LRRC3B: variants seen among roughly 807,000 people sequenced by gnomAD.
LRRC3B encodes the protein leucine-rich repeat-containing protein 3B.
A neutral mutation model predicts 12.8 loss-of-function variants in LRRC3B; 2 were observed. That is an observed-to-expected ratio of 0.16 (90% CI 0.06 to 0.49). The LOEUF is 0.49. LRRC3B is among the 20% of genes least tolerant of loss of function. The probability of loss-of-function intolerance (pLI) is 0.96; values close to 1 mark genes in which losing one functional copy is unlikely to be tolerated. For synonymous variants in LRRC3B, 132 were observed against 122.0 expected, an observed-to-expected ratio of 1.08 and a Z score of -0.54; for missense variants, 189 against 319.4, an observed-to-expected ratio of 0.59 and a Z score of 3.11.
intron 1 of LRRC3B, among the ~76,000 whole-genome samples, chr3:26,686,698 C>T (rs1013031712): frequency 4.6e-5 from 7 of 152,164 alleles, no homozygotes; most frequent in African/African-American, 1.7e-4. Context: ...GGGAAGAAGA[C>T]TCTGAGATGG....
intron 1 of LRRC3B, among the ~76,000 whole-genome samples, chr3:26,692,378 G>A (rs544472945): frequency 1.3e-5 from 2 of 152,298 alleles, no homozygotes; most frequent in Non-Finnish European, 2.9e-5. Context: ...CCAGGGATAT[G>A]TGAGCAAACA....
At chr3:26,693,147 G>A (rs1327683859) in intron 1 of LRRC3B, among the ~76,000 whole-genome samples, 2 of 151,466 alleles carry the variant, frequency 1.3e-5, no homozygotes, top group African/African-American at 4.9e-5. Flanking sequence ...TGGCTAACAC[G>A]GTGAAACCCC....
At chr3:26,672,754 T>C (rs1181902184) in intron 1 of LRRC3B, among the ~76,000 whole-genome samples, 1 of 152,222 alleles carries the variant, frequency 6.6e-6, no homozygotes, top group Non-Finnish European at 1.5e-5. Context: ...ATCTTTTCCT[T>C]TTTTGCCCCA....
intron 1 of LRRC3B, among the ~76,000 whole-genome samples, chr3:26,682,312 G>A (rs551976161): frequency 2.6e-5 from 4 of 152,072 alleles, no homozygotes; most frequent in African/African-American, 7.2e-5. Context: ...CTTGAGAACC[G>A]CTACACACAT....
At chr3:26,679,290 C>T (rs1699922897) in intron 1 of LRRC3B, among the ~76,000 whole-genome samples, 1 of 152,140 alleles carries the variant, frequency 6.6e-6, no homozygotes, top group Non-Finnish European at 1.5e-5. Flanking sequence ...TGATTAAATC[C>T]CAGTGGCTTC....
chr3:26,646,448 G>A (rs572765033), intron 1 of LRRC3B, among the ~76,000 whole-genome samples: 6 of 152,088 alleles, frequency 3.9e-5, no homozygotes, highest in East Asian at 3.9e-4. Context: ...TTCATTTCCT[G>A]GAGGCATTAA....
At chr3:26,684,523 G>A (rs1700032883) in intron 1 of LRRC3B, among the ~76,000 whole-genome samples, 1 of 152,194 alleles carries the variant, frequency 6.6e-6, no homozygotes, top group Non-Finnish European at 1.5e-5. Context: ...ATGAACAGAA[G>A]CTTATTTTCT....
chr3:26,627,909 T>C (rs1209049715), intron 1 of LRRC3B, among the ~76,000 whole-genome samples: 1 of 152,098 alleles, frequency 6.6e-6, no homozygotes, highest in Non-Finnish European at 1.5e-5. Flanking sequence ...AACACTGAAG[T>C]TAAGTGTGAC....
intron 1 of LRRC3B, among the ~76,000 whole-genome samples, chr3:26,699,517 C>T (rs1203950515): frequency 2.0e-5 from 3 of 152,078 alleles, no homozygotes; most frequent in African/African-American, 7.2e-5. Context: ...CTGTGTTTTT[C>T]CCACCAACCC....
intron 1 of LRRC3B, chr3:26,624,594 CGGA>C (rs1698580988): frequency 6.5e-6 from 1 of 152,776 alleles, no homozygotes; most frequent in Non-Finnish European, 1.5e-5. Flanking sequence ...CGCACCTGGG[CGGA>C]GCGAGGGAGT....
chr3:26,685,615 G>GTGTATATATATATATA (rs1395832034), intron 1 of LRRC3B, among the ~76,000 whole-genome samples: 1 of 120,484 alleles, frequency 8.3e-6, no homozygotes, highest in African/African-American at 3.4e-5. Flanking sequence ...ATGTGTGTGT[G>GTGTATATATATATATA]TATATATATA....
At chr3:26,698,900 T>C (rs940061745) in intron 1 of LRRC3B, among the ~76,000 whole-genome samples, 8 of 152,082 alleles carry the variant, frequency 5.3e-5, no homozygotes, top group African/African-American at 1.9e-4. Flanking sequence ...CATTCAAATT[T>C]CCCCCAGTTG....
chr3:26,640,581 T>C (rs74494730), intron 1 of LRRC3B, among the ~76,000 whole-genome samples: 1 of 152,352 alleles, frequency 6.6e-6, no homozygotes, highest in African/African-American at 2.4e-5. Context: ...CCATGTCATA[T>C]TTATTTTGCC....
intron 1 of LRRC3B, among the ~76,000 whole-genome samples, chr3:26,703,616 CA>C (rs577620729): frequency 1.1e-3 from 163 of 151,630 alleles, no homozygotes; most frequent in African/African-American, 3.9e-3. Context: ...GAAGCAAGGT[CA>C]AAAATTAGAA....
intron 1 of LRRC3B, among the ~76,000 whole-genome samples, chr3:26,696,566 C>T (rs568186724): frequency 6.6e-6 from 1 of 152,248 alleles, no homozygotes; most frequent in Non-Finnish European, 1.5e-5. Flanking sequence ...TAGGACTGTT[C>T]CTTCTTGAAC....
intron 1 of LRRC3B, among the ~76,000 whole-genome samples, chr3:26,628,740 C>T (rs1698686018): frequency 6.6e-6 from 1 of 151,074 alleles, no homozygotes; most frequent in Admixed American, 6.6e-5. Context: ...AATCTGGAAT[C>T]TTCTCAAAAG....
intron 1 of LRRC3B, among the ~76,000 whole-genome samples, chr3:26,706,270 TTAGATA>T (rs998106548): frequency 1.3e-5 from 2 of 152,092 alleles, no homozygotes; most frequent in Non-Finnish European, 2.9e-5. Context: ...GGGATTAGAT[TTAGATA>T]TAGATATCAG....
intron 1 of LRRC3B, among the ~76,000 whole-genome samples, chr3:26,644,989 G>C (rs901416620): frequency 6.6e-6 from 1 of 151,940 alleles, no homozygotes; most frequent in Non-Finnish European, 1.5e-5. Context: ...TACACATACA[G>C]ACATACATAC....
chr3:26,679,670 A>G (rs1175951392), intron 1 of LRRC3B, among the ~76,000 whole-genome samples: 1 of 152,048 alleles, frequency 6.6e-6, no homozygotes, highest in Non-Finnish European at 1.5e-5. Flanking sequence ...CTTGGTAGTT[A>G]TTACTTCTCC....
Sources: allele counts gnomAD v4.1 joint callset (sites outside exome capture counted in the v4.1 genomes callset), GRCh38; gene constraint gnomAD v4.1.1; transcripts MANE v1.5; gene names NCBI Gene and HGNC (gene_info 2026-07-23, HGNC 2026-07-21).